CLCA1: variants seen among roughly 807,000 people sequenced by gnomAD.
The protein encoded by CLCA1 is calcium-activated chloride channel regulator 1.
A neutral mutation model predicts 85.6 loss-of-function variants in CLCA1; 59 were observed. The ratio of observed to expected loss-of-function variants is 0.69; its 90% CI spans 0.56 to 0.86. The LOEUF is 0.86. Ranked by LOEUF, CLCA1 falls within the 40% of genes least tolerant of loss-of-function variation. The pLI is 0.00. For missense variants in CLCA1, 1,022 were observed against 1,101.4 expected, an observed-to-expected ratio of 0.93 and a Z score of 1.02; for synonymous variants, 396 against 398.3, an observed-to-expected ratio of 0.99 and a Z score of 0.07.
At position 86,493,520 on chromosome 1, in the gene CLCA1, C is replaced by G. The variant is rs756944863; in HGVS notation, c.1601C>G (p.Pro534Arg). 1 of 1,614,020 alleles carries G rather than the reference C, an allele frequency of 6.2e-7. No homozygotes were observed. Among genetic ancestry groups the G allele is most frequent in the Non-Finnish European group, 8.5e-7 (1 of 1,179,948 alleles). The part of the protein sequence containing the change: ...MQPPQILLWD[P>R]SGQKQGGFVV... ...CCTCCCCAAATCCTTCTCTGGGATC[C>G]CAGTGGACAGAAGCAAGGTGGCTTT... The change falls in exon 10 of 14, where the codon CCC becomes CGC. Residue 534 changes from proline (P) to arginine (R), a missense_variant. By Grantham distance (103) the Pro-to-Arg change is moderately radical (BLOSUM62 -2). Coordinates refer to ENST00000394711, the MANE Select transcript of CLCA1 (RefSeq NM_001285.4).
intron 4 of CLCA1, among the ~76,000 whole-genome samples, chr1:86,481,101 T>C (rs563289838): frequency 9.7e-4 from 147 of 152,310 alleles, no homozygotes; most frequent in African/African-American, 3.2e-3. Flanking sequence ...ATGATAGTAT[T>C]AAAAGATATA....
rs2038485 is a variant in CLCA1 at position 86,478,650 on chromosome 1, C to A, written c.557+2097C>A. On this transcript the variant is annotated intron_variant, in intron 4 of 13. Transcript: ENST00000394711. ...CCAGTTCTCTTTCCTAAGCTTCCAG[C>A]CAGTTAGACACCATATATTGCCTTG... 3.6e-3 allele frequency among the ~76,000 whole-genome samples: 548 copies of A among 152,306 alleles called. 2 individuals carry two copies. Among genetic ancestry groups the A allele is most frequent in the African/African-American group, 0.013 (521 of 41,576 alleles).
At chr1:86,488,065 G>C (rs924414257) in intron 7 of CLCA1, among the ~76,000 whole-genome samples, 1 of 152,182 alleles carries the variant, frequency 6.6e-6, no homozygotes, top group Non-Finnish European at 1.5e-5. Context: ...TCTAATAGCT[G>C]AAACAGTGAG....
chr1:86,493,331 T>C (rs2753346), intron 9 of CLCA1, 53 bp from the exon 10 acceptor site: 1,197,641 of 1,401,602 alleles, frequency 0.85, 512,992 homozygotes, highest in South Asian at 0.92. Flanking sequence ...AGGGAAAAGA[T>C]CATGTGATGG....
chr1:86,495,192 A>G (rs1295442912), intron 11 of CLCA1, among the ~76,000 whole-genome samples: 7 of 152,206 alleles, frequency 4.6e-5, no homozygotes, highest in Admixed American at 4.6e-4. Context: ...ACATTTGCAT[A>G]TAGCAGTTTA....
chr1:86,476,131 C>T (rs1647630076), intron 3 of CLCA1, among the ~76,000 whole-genome samples: 1 of 152,210 alleles, frequency 6.6e-6, no homozygotes, highest in South Asian at 2.1e-4. Flanking sequence ...TGTCATCATA[C>T]CTGTACCACC....
chr1:86,473,592 T>C, intron 2 of CLCA1, 35 bp downstream of exon 2: 1 of 1,549,436 alleles, frequency 6.5e-7, no homozygotes, highest in South Asian at 1.2e-5. Context: ...AAATTCCACT[T>C]TCTCCTGTAA....
At chr1:86,490,821 T>G (rs1253243784) in intron 8 of CLCA1, among the ~76,000 whole-genome samples, 1 of 151,458 alleles carries the variant, frequency 6.6e-6, no homozygotes, top group African/African-American at 2.4e-5. Flanking sequence ...ATCCCAGAAT[T>G]TTAGGAGGCC....
chr1:86,483,047 T>C (rs1379892115), intron 5 of CLCA1, among the ~76,000 whole-genome samples: 2 of 152,192 alleles, frequency 1.3e-5, no homozygotes, highest in African/African-American at 4.8e-5. Flanking sequence ...CATATAAAAT[T>C]ACATTTTCCT....
At chr1:86,489,628 G>T (rs948910770) in intron 8 of CLCA1, among the ~76,000 whole-genome samples, 1 of 152,112 alleles carries the variant, frequency 6.6e-6, no homozygotes, top group African/African-American at 2.4e-5. Flanking sequence ...AAGAGCAAAG[G>T]GCATGTTAAA....
At position 86,498,568 on chromosome 1, in the gene CLCA1, G is replaced by A; in HGVS notation, c.2114-4G>A. 6.2e-7 allele frequency: 1 copy of A among 1,609,192 alleles called. No homozygotes were observed. Among genetic ancestry groups the A allele is most frequent in the Non-Finnish European group, 8.5e-7 (1 of 1,176,520 alleles). On this transcript the variant is annotated splice_region_variant and splice_polypyrimidine_tract_variant and intron_variant, in intron 12 of 13. Transcript: ENST00000394711. The stretch of plus-strand genomic sequence containing the variant: ...ACCATATTTTGAGTATTTTTTTAAT[G>A]CAGATGAAATACAATGGAATCCACC...
Position 86,469,032 on chromosome 1 carries a change from A to G in CLCA1, c.61A>G (p.Ser21Gly). 3.1e-6 allele frequency: 5 copies of G among 1,613,524 alleles called. No homozygotes were observed. Among genetic ancestry groups the G allele is most frequent in the Non-Finnish European group, 4.2e-6 (5 of 1,179,628 alleles). ...LILHLLEGAL[S>G]NSLIQLNNNG... ...TCTTCACCTTCTAGAAGGGGCCCTG[A>G]GTAATTCACTCATTCAGCTGAACAA... The change falls in exon 1 of 14, where the codon AGT (serine) becomes GGT (glycine). Residue 21 changes from serine (S) to glycine (G), a missense_variant. By Grantham distance (56) the Ser-to-Gly change is moderately conservative. Transcript: ENST00000394711.
rs1648067485 is a variant in CLCA1, at chr1:86,489,052, G to A, written c.1239G>A (p.Gly413=). Reference sequence around the variant, plus strand: ...CTGAAATTGTGCTGCTGACGGATGGGGAAGACAACACTATAAGTGGGTGCT... The same window carrying A: ...CTGAAATTGTGCTGCTGACGGATGGAGAAGACAACACTATAAGTGGGTGCT... ...DGSEIVLLTD[G]EDNTISGCFN... is the part of the protein sequence containing the mutation. Residue 413 remains glycine (G), a synonymous_variant, in exon 8 of 14, where the codon GGG becomes GGA. Coordinates refer to ENST00000394711, the MANE Select transcript of CLCA1 (RefSeq NM_001285.4). 1 of 1,613,976 alleles carries A rather than the reference G, an allele frequency of 6.2e-7. No homozygotes were observed. Among genetic ancestry groups the A allele is most frequent in the Non-Finnish European group, 8.5e-7 (1 of 1,179,996 alleles).
intron 9 of CLCA1, among the ~76,000 whole-genome samples, chr1:86,492,609 C>T (rs1316339551): frequency 6.6e-6 from 1 of 152,200 alleles, no homozygotes; most frequent in African/African-American, 2.4e-5. Flanking sequence ...AACTCTGAGA[C>T]AATAACTACC....
At chr1:86,482,142 C>T in intron 4 of CLCA1, 63 bp from the exon 5 acceptor site, 1 of 1,265,604 alleles carries the variant, frequency 7.9e-7, no homozygotes, top group Non-Finnish European at 1.1e-6. Flanking sequence ...AGAAACTGAG[C>T]ATAGACTCTG....
In CLCA1 at chr1:86,486,701, C is replaced by T. The variant is rs189130257; in HGVS notation, c.1130C>T (p.Ala377Val). ...DRDTLAKRLP[A>V]AASGGTSICS... ...GACACACTCGCCAAAAGATTACCTG[C>T]AGCAGCTTCAGGAGGGACGTCCATC... Residue 377 changes from alanine (A) to valine (V), a missense_variant, in exon 7 of 14, where the codon GCA (alanine) becomes GTA (valine). By Grantham distance (64) the Ala-to-Val change is moderately conservative. Coordinates refer to ENST00000394711, the MANE Select transcript of CLCA1 (RefSeq NM_001285.4). 1 of 1,614,204 alleles carries T rather than the reference C, an allele frequency of 6.2e-7. No homozygotes were observed. Among genetic ancestry groups the T allele is most frequent in the East Asian group, 2.2e-5 (1 of 44,892 alleles).
chr1:86,491,519 T>C (rs1287497657), intron 9 of CLCA1, 148 bp downstream of exon 9: 1 of 554,362 alleles, frequency 1.8e-6, no homozygotes, highest in African/African-American at 1.9e-5. Flanking sequence ...TAAACATTAT[T>C]CCTAAAATGC....
At chr1:86,489,426 C>T (rs551224546) in intron 8 of CLCA1, among the ~76,000 whole-genome samples, 115 of 152,266 alleles carry the variant, frequency 7.6e-4, no homozygotes, top group African/African-American at 2.1e-3. Flanking sequence ...ACCTTCTTCC[C>T]GGGCCAGGAA....
intron 4 of CLCA1, among the ~76,000 whole-genome samples, chr1:86,478,770 G>A (rs757027375): frequency 4.6e-5 from 7 of 152,118 alleles, no homozygotes; most frequent in Non-Finnish European, 7.4e-5. Flanking sequence ...AGACATGATC[G>A]CCATGTCCTC....
Sources: gnomAD v4.1 joint callset for allele counts (sites outside exome capture counted in the v4.1 genomes callset) on GRCh38, gnomAD v4.1.1 for gene constraint, MANE v1.5 for transcripts, NCBI Gene and HGNC (gene_info 2026-07-23, HGNC 2026-07-21) for gene names.